Variants in LOC400499 observed in about 807,000 individuals in gnomAD.
the LOC400499 span, chr16:11,443,330 C>CAAA: frequency 4.8e-3 from 1,263 of 260,750 alleles, no homozygotes; most frequent in Non-Finnish European, 5.5e-3. Context: ...TCCTCAGTCT[C>CAAA]AAAAAAAAAA....
At chr16:11,398,356 G>T in the LOC400499 span, 1 of 1,232,288 alleles carries the variant, frequency 8.1e-7, no homozygotes, top group Non-Finnish European at 1.0e-6. Flanking sequence ...ACCCTGGGCA[G>T]GTCACAGAGC....
the LOC400499 span, among the ~76,000 whole-genome samples, chr16:11,499,524 T>G: frequency 1.6e-4 from 25 of 152,172 alleles, 1 homozygote; most frequent in South Asian, 4.6e-3. Flanking sequence ...TGCCTGATTC[T>G]TGTCTGCTGA....
At chr16:11,477,142 A>G in the LOC400499 span, among the ~76,000 whole-genome samples, 1 of 152,228 alleles carries the variant, frequency 6.6e-6, no homozygotes, top group Admixed American at 6.5e-5. Context: ...GGATGGGGAA[A>G]CTGAGGCTCA....
the LOC400499 span, among the ~76,000 whole-genome samples, chr16:11,474,181 C>A: frequency 3.3e-3 from 505 of 152,282 alleles, 1 homozygote; most frequent in African/African-American, 0.011. Context: ...TTATGCTTTG[C>A]GGTCACACAG....
chr16:11,461,395 T>C, the LOC400499 span, among the ~76,000 whole-genome samples: 526 of 152,274 alleles, frequency 3.5e-3, 4 homozygotes, highest in Non-Finnish European at 3.3e-3. Context: ...AATTTTTGTA[T>C]TTTTTGTAGA....
the LOC400499 span, chr16:11,448,132 G>A: frequency 6.7e-7 from 1 of 1,496,764 alleles, no homozygotes; most frequent in East Asian, 2.5e-5. Context: ...CTGCAGACCT[G>A]CCTTGCAGGA....
chr16:11,381,985 C>G, the LOC400499 span, among the ~76,000 whole-genome samples: 2 of 149,430 alleles, frequency 1.3e-5, no homozygotes, highest in African/African-American at 2.5e-5. Flanking sequence ...CTCTGTTGTT[C>G]AGGCTGGAGT....
At chr16:11,385,516 G>T in the LOC400499 span, 1 of 810,680 alleles carries the variant, frequency 1.2e-6, no homozygotes, top group Non-Finnish European at 1.7e-6. Context: ...CTAGAGCTTT[G>T]GCTTAGCCTG....
chr16:11,393,770 C>T, the LOC400499 span, among the ~76,000 whole-genome samples: 1 of 152,270 alleles, frequency 6.6e-6, no homozygotes, highest in African/African-American at 2.4e-5. Context: ...TGCCCCATTA[C>T]AGAAAGCACT....
the LOC400499 span, among the ~76,000 whole-genome samples, chr16:11,408,067 C>G: frequency 2.3e-3 from 335 of 143,362 alleles, 1 homozygote; most frequent in Non-Finnish European, 4.4e-3. Flanking sequence ...ACTGCAACCT[C>G]TGCCTCCTGG....
chr16:11,495,485 A>G, the LOC400499 span, among the ~76,000 whole-genome samples: 10 of 150,226 alleles, frequency 6.7e-5, no homozygotes, highest in Non-Finnish European at 1.2e-4. Context: ...GGTTCATGTG[A>G]TTCCCCTGCC....
chr16:11,470,372 T>A, the LOC400499 span, among the ~76,000 whole-genome samples: 2 of 152,192 alleles, frequency 1.3e-5, no homozygotes, highest in Non-Finnish European at 2.9e-5. Context: ...GAGTACCTCG[T>A]GCTCTGGGGC....
chr16:11,411,005 C>A, the LOC400499 span, among the ~76,000 whole-genome samples: 1 of 152,266 alleles, frequency 6.6e-6, no homozygotes, highest in Admixed American at 6.5e-5. Flanking sequence ...GGAGGCCTCC[C>A]CCATCTCCCA....
At chr16:11,375,541 G>A in the LOC400499 span, among the ~76,000 whole-genome samples, 1 of 147,578 alleles carries the variant, frequency 6.8e-6, no homozygotes, top group African/African-American at 2.6e-5. Context: ...TCGAACTCCT[G>A]ACCTCAAGTG....
chr16:11,435,820 T>G, the LOC400499 span: 2 of 399,304 alleles, frequency 5.0e-6, no homozygotes, highest in Non-Finnish European at 8.8e-6. Flanking sequence ...GGCCAGACAT[T>G]TGCACAGATA....
the LOC400499 span, among the ~76,000 whole-genome samples, chr16:11,377,145 G>A: frequency 4.6e-5 from 7 of 152,026 alleles, no homozygotes; most frequent in Non-Finnish European, 8.8e-5. Flanking sequence ...TTTCCTTCTT[G>A]GATTCTTGAC....
At chr16:11,411,310 G>C in the LOC400499 span, 1 of 399,440 alleles carries the variant, frequency 2.5e-6, no homozygotes, top group Non-Finnish European at 4.4e-6. Context: ...ATGCCGGCCT[G>C]AGAACAGCAG....
the LOC400499 span, chr16:11,446,887 G>A: frequency 2.0e-5 from 31 of 1,535,446 alleles, no homozygotes; most frequent in South Asian, 4.8e-5. Flanking sequence ...GAGGCTCTGC[G>A]GGATGGGCAG....
the LOC400499 span, among the ~76,000 whole-genome samples, chr16:11,420,084 C>T: frequency 6.7e-6 from 1 of 148,764 alleles, no homozygotes; most frequent in South Asian, 2.1e-4. Flanking sequence ...CCCAGCCATC[C>T]CATTACTGGG....
Sources: gnomAD v4.1 joint callset for allele counts (sites outside exome capture counted in the v4.1 genomes callset) on GRCh38, gnomAD v4.1.1 for gene constraint, MANE v1.5 for transcripts.